TNS3: variants seen among roughly 807,000 people sequenced by gnomAD.
TNS3 encodes tensin 3, also known as tensin-3.
In TNS3, 45 loss-of-function variants were observed where a neutral mutation model predicts 140.9. That is an observed-to-expected ratio of 0.32 (90% CI 0.25 to 0.41). The LOEUF (loss-of-function observed/expected upper bound fraction) is 0.41, where lower values mean the gene tolerates loss of function less well. Among genes scored for constraint, TNS3 ranks in the 10% least tolerant of loss-of-function variants. The probability of loss-of-function intolerance (pLI) is 1.00; values close to 1 mark genes in which losing one functional copy is unlikely to be tolerated. For synonymous variants in TNS3, 815 were observed against 788.4 expected, an observed-to-expected ratio of 1.03 and a Z score of -0.56; for missense variants, 1,716 against 1,906.7, an observed-to-expected ratio of 0.90 and a Z score of 1.86.
intron 4 of TNS3, among the ~76,000 whole-genome samples, chr7:47,462,238 TGCCCCTGTATTAATACCA>T (rs1371038844): frequency 6.6e-6 from 1 of 152,234 alleles, no homozygotes; most frequent in African/African-American, 2.4e-5. Flanking sequence ...CCCTCCTCGT[TGCCCCTGTATTAATACCA>T]GTAACGATCA....
At chr7:47,461,897 T>C (rs1325676407) in intron 4 of TNS3, among the ~76,000 whole-genome samples, 3 of 152,198 alleles carry the variant, frequency 2.0e-5, no homozygotes, top group Non-Finnish European at 4.4e-5. Context: ...CTCCAATTAT[T>C]CCTAAGTATC....
At chr7:47,324,608 C>T (rs1238998440) in intron 20 of TNS3, among the ~76,000 whole-genome samples, 6 of 152,056 alleles carry the variant, frequency 3.9e-5, no homozygotes, top group Non-Finnish European at 4.4e-5. Context: ...AAAAATTAGC[C>T]GTGTGTGGTG....
intron 16 of TNS3, among the ~76,000 whole-genome samples, chr7:47,382,442 G>T (rs947170613): frequency 1.3e-5 from 2 of 152,170 alleles, no homozygotes. Context: ...CTGCTAATGG[G>T]TCTTGATTAT....
chr7:47,330,431 T>A (rs1257655243), intron 20 of TNS3, among the ~76,000 whole-genome samples: 1 of 152,102 alleles, frequency 6.6e-6, no homozygotes, highest in Non-Finnish European at 1.5e-5. Context: ...CAAAACAAAC[T>A]TTTATCCAGA....
At chr7:47,452,677 A>G (rs942413071) in intron 4 of TNS3, among the ~76,000 whole-genome samples, 1 of 152,238 alleles carries the variant, frequency 6.6e-6, no homozygotes, top group Non-Finnish European at 1.5e-5. Context: ...GCATTTCCAA[A>G]GAAGTCGGAA....
At chr7:47,466,431 C>T (rs1472820770) in intron 4 of TNS3, among the ~76,000 whole-genome samples, 6 of 152,236 alleles carry the variant, frequency 3.9e-5, no homozygotes, top group Admixed American at 1.3e-4. Flanking sequence ...CAGGCGTGAG[C>T]CACAGCACCC....
At chr7:47,480,348 C>T (rs997443422) in intron 4 of TNS3, among the ~76,000 whole-genome samples, 4 of 152,238 alleles carry the variant, frequency 2.6e-5, no homozygotes, top group African/African-American at 7.2e-5. Context: ...CAGACCTGCA[C>T]ACACTTCCCC....
At chr7:47,344,336 A>G (rs1388174577) in intron 20 of TNS3, among the ~76,000 whole-genome samples, 2 of 152,164 alleles carry the variant, frequency 1.3e-5, no homozygotes, top group East Asian at 3.9e-4. Flanking sequence ...CCCACTAATA[A>G]CAGACAGGAG....
rs113221688 is a variant in TNS3 at position 47,452,493 on chromosome 7, T to C, written c.-75-10438A>G. Among the ~76,000 whole-genome samples the C allele has an allele frequency of 9.2e-5, 14 of 152,344 alleles. 2 individuals carry two copies. The highest frequency in any genetic ancestry group is 3.4e-4 in the African/African-American group (14 of 41,576). On this transcript the variant is annotated intron_variant, in intron 4 of 30. Coordinates refer to ENST00000311160, the MANE Select transcript of TNS3 (RefSeq NM_022748.12). ...GTCATTTTACCTTCATGTTCAACTA[T>C]GAGAAACAACAGACTAAGATTGTAT... is the stretch of plus-strand genomic sequence containing the variant.
intron 1 of TNS3, among the ~76,000 whole-genome samples, chr7:47,560,569 G>C (rs1800301809): frequency 6.6e-6 from 1 of 152,178 alleles, no homozygotes; most frequent in African/African-American, 2.4e-5. Flanking sequence ...CTCTGCTGCT[G>C]TCAGGGGCAA....
intron 3 of TNS3, among the ~76,000 whole-genome samples, chr7:47,504,706 C>G (rs1365098295): frequency 1.3e-5 from 2 of 152,220 alleles, no homozygotes; most frequent in Non-Finnish European, 2.9e-5. Context: ...GAGCGGCTCC[C>G]TTAGCCACAT....
chr7:47,321,441 T>C (rs145602083), intron 20 of TNS3, among the ~76,000 whole-genome samples: 32 of 152,338 alleles, frequency 2.1e-4, no homozygotes, highest in Admixed American at 1.6e-3. Context: ...AACTCACGAA[T>C]ACAGAGGCCA....
Position 47,368,642 on chromosome 7 carries a change from C to T in TNS3, c.2004G>A (p.Arg668=), listed in dbSNP as rs1790852907. 1 of 1,601,196 alleles carries T rather than the reference C, an allele frequency of 6.2e-7. No homozygotes were observed. ...CATTCACAACCTGGTCTCCTGGAAA[C>T]CTGGGTTTGAACGCTTTGCTGGGAG... is the stretch of plus-strand genomic sequence containing the variant. The part of the protein sequence containing the change: ...QPSPSKAFKP[R]FPGDQVVNGA... The change falls in exon 17 of 31, where the codon AGG becomes AGA. Residue 668 remains arginine (R), a synonymous_variant. Coordinates refer to ENST00000311160, the MANE Select transcript of TNS3 (RefSeq NM_022748.12).
chr7:47,420,165 C>T (rs548493635), intron 10 of TNS3, among the ~76,000 whole-genome samples: 69 of 152,288 alleles, frequency 4.5e-4, no homozygotes, highest in Middle Eastern at 3.4e-3. Flanking sequence ...ACCTGAGGTA[C>T]TGTGTCAAAA....
At chr7:47,442,797 T>C (rs1795532311) in intron 4 of TNS3, among the ~76,000 whole-genome samples, 2 of 152,020 alleles carry the variant, frequency 1.3e-5, no homozygotes, top group Admixed American at 1.3e-4. Flanking sequence ...ACCCCCGAGT[T>C]GGGGGGACAC....
intron 20 of TNS3, among the ~76,000 whole-genome samples, chr7:47,335,894 T>C (rs1170413481): frequency 6.6e-6 from 1 of 152,118 alleles, no homozygotes; most frequent in Non-Finnish European, 1.5e-5. Flanking sequence ...AGCCACTATA[T>C]GTGTGCATCC....
rs192139736 is a variant in TNS3 at position 47,572,749 on chromosome 7, G to A, written c.-265+9302C>T. Among the ~76,000 whole-genome samples, 1,066 of 152,148 alleles carry A rather than the reference G, an allele frequency of 7.0e-3. 6 individuals are homozygous for A. Among genetic ancestry groups the A allele is most frequent in the South Asian group, 0.024 (118 of 4,826 alleles). On this transcript the variant is annotated intron_variant, in intron 1 of 30. Coordinates refer to ENST00000311160, the MANE Select transcript of TNS3 (RefSeq NM_022748.12). ...AAATTAGCGGGGCGTGGTGGCACAC[G>A]TCTGTAGTCCCAGCTATGGAGGCTG...
rs116269549 is a variant in TNS3 at position 47,385,398 on chromosome 7, C to A, written c.1024+11402G>T. ...CAAGGGTGAGCTCTGACAACAACAA[C>A]CATTAGCCATTCCAGCCCTGTCCTG... On this transcript the variant is annotated intron_variant, in intron 16 of 30. Transcript: ENST00000311160. Among the ~76,000 whole-genome samples, 859 of 152,338 alleles carry A rather than the reference C, an allele frequency of 5.6e-3. 10 individuals are homozygous for A. The highest frequency in any genetic ancestry group is 0.02 in the African/African-American group (819 of 41,580).
rs1466314269 is a variant in TNS3, at chr7:47,278,082, C to T, written c.4332G>A (p.Lys1444=). 1.1e-5 allele frequency: 18 copies of T among 1,613,950 alleles called. No homozygotes were observed. Among genetic ancestry groups the T allele is most frequent in the Non-Finnish European group, 1.4e-5 (17 of 1,179,972 alleles). The change falls in exon 31 of 31, where the codon AAG becomes AAA. Residue 1444 remains lysine (K), a synonymous_variant. Transcript: ENST00000311160. ...CAGGGAGGGAGGGGAGTTCTCAGAC[C>T]TTCTTTGGGGAACCAATCATGACCT... ...VSKVMIGSPK[K]V
Sources: allele counts gnomAD v4.1 joint callset (sites outside exome capture counted in the v4.1 genomes callset), GRCh38; gene constraint gnomAD v4.1.1; transcripts MANE v1.5; gene names NCBI Gene and HGNC (gene_info 2026-07-23, HGNC 2026-07-21).